GPC6: variants seen among roughly 807,000 people sequenced by gnomAD.
GPC6 encodes glypican 6, also known as glypican-6.
A neutral mutation model predicts 55.2 loss-of-function variants in GPC6; 14 were observed. The observed-to-expected ratio is 0.25, with a 90% confidence interval of 0.17 to 0.40. The LOEUF (loss-of-function observed/expected upper bound fraction) is 0.40. GPC6 is among the 10% of genes least tolerant of loss of function. The probability of loss-of-function intolerance (pLI) is 1.00; values close to 1 mark genes in which losing one functional copy is unlikely to be tolerated. For missense variants in GPC6, 641 were observed against 708.5 expected, an observed-to-expected ratio of 0.90 and a Z score of 1.08; for synonymous variants, 278 against 259.6, an observed-to-expected ratio of 1.07 and a Z score of -0.68.
chr13:93,323,119 T>TG (rs1393754054), intron 1 of GPC6, among the ~76,000 whole-genome samples: 1 of 152,218 alleles, frequency 6.6e-6, no homozygotes, highest in Non-Finnish European at 1.5e-5. Flanking sequence ...CTATCTGTTT[T>TG]GGGGACCATT....
intron 2 of GPC6, among the ~76,000 whole-genome samples, chr13:93,813,292 A>G (rs1886753901): frequency 6.6e-6 from 1 of 152,098 alleles, no homozygotes; most frequent in African/African-American, 2.4e-5. Context: ...TGGCAGGTGG[A>G]TGTAATCCCA....
intron 4 of GPC6, among the ~76,000 whole-genome samples, chr13:94,160,787 C>T (rs1214460128): frequency 6.6e-6 from 1 of 152,084 alleles, no homozygotes; most frequent in Non-Finnish European, 1.5e-5. Flanking sequence ...AAATAACTAA[C>T]CTAGAAGCAA....
At chr13:93,933,264 C>T (rs2140356505) in intron 3 of GPC6, among the ~76,000 whole-genome samples, 1 of 152,228 alleles carries the variant, frequency 6.6e-6, no homozygotes, top group South Asian at 2.1e-4. Flanking sequence ...TACACCTTTG[C>T]ATGGAGGTCC....
chr13:93,993,231 C>T (rs530219458), intron 3 of GPC6, among the ~76,000 whole-genome samples: 1 of 151,594 alleles, frequency 6.6e-6, no homozygotes, highest in Admixed American at 6.6e-5. Flanking sequence ...GCATCCTATT[C>T]TTTTGTCGTA....
chr13:93,424,349 T>C (rs2762076), intron 1 of GPC6, among the ~76,000 whole-genome samples: 140,866 of 152,060 alleles, frequency 0.93, 66,234 homozygotes, highest in East Asian at 1. Flanking sequence ...TAGGGCATAA[T>C]CTTAGGCAAA....
intron 3 of GPC6, among the ~76,000 whole-genome samples, chr13:93,844,202 G>A (rs905083929): frequency 6.6e-6 from 1 of 151,968 alleles, no homozygotes; most frequent in Non-Finnish European, 1.5e-5. Flanking sequence ...GCAATGCCAC[G>A]ATCTCAGCTC....
In GPC6 at chr13:93,545,549, C is replaced by T. The variant is rs938955390; in HGVS notation, c.319+128C>T. The T allele has an allele frequency of 3.6e-5, 28 of 783,776 alleles. No individual in the cohort carries two copies. The African/African-American group carries it at 3.7e-4, about 10-fold the overall frequency. 48.6% of individuals were successfully genotyped at this position (783,776 alleles called of 1,614,324 possible). Reference sequence around the variant, plus strand: ...CCCTCTTAAATATTTATAGCATTGTCTATTTTTAGAAAAAGCATGAGTTTT... The same window carrying T: ...CCCTCTTAAATATTTATAGCATTGTTTATTTTTAGAAAAAGCATGAGTTTT... On this transcript the variant is annotated intron_variant, in intron 2 of 8. Transcript: ENST00000377047.
intron 1 of GPC6, among the ~76,000 whole-genome samples, chr13:93,488,554 C>T (rs569717050): frequency 6.6e-6 from 1 of 152,258 alleles, no homozygotes; most frequent in East Asian, 1.9e-4. Context: ...CACTGTCTTC[C>T]ACAATGGTTG....
At chr13:93,488,034 T>G (rs1045525728) in intron 1 of GPC6, among the ~76,000 whole-genome samples, 23 of 152,222 alleles carry the variant, frequency 1.5e-4, no homozygotes, top group Admixed American at 5.9e-4. Flanking sequence ...GTTTGTTACA[T>G]ATGTATACAT....
chr13:93,626,049 A>C (rs991574406), intron 2 of GPC6, among the ~76,000 whole-genome samples: 4 of 152,142 alleles, frequency 2.6e-5, no homozygotes, highest in Non-Finnish European at 5.9e-5. Context: ...AGGAAATTTG[A>C]GCGTAATAAG....
chr13:93,457,474 C>T (rs2139310215), intron 1 of GPC6, among the ~76,000 whole-genome samples: 1 of 152,246 alleles, frequency 6.6e-6, no homozygotes, highest in South Asian at 2.1e-4. Flanking sequence ...CTCCAAAATT[C>T]CAGTGTCTTA....
intron 4 of GPC6, among the ~76,000 whole-genome samples, chr13:94,233,216 T>C (rs1890784715): frequency 1.3e-5 from 2 of 152,014 alleles, no homozygotes; most frequent in Non-Finnish European, 2.9e-5. Flanking sequence ...AAGGAAATTT[T>C]TTTGGATGGA....
rs577089845 is a variant in GPC6 at position 94,157,357 on chromosome 13, T to C, written c.878-128992T>C. Among the ~76,000 whole-genome samples, 11 of 152,238 alleles carry C rather than the reference T, an allele frequency of 7.2e-5. 1 individual carries two copies. In the South Asian group the frequency reaches 1.9e-3, roughly 26 times the overall value. On this transcript the variant is annotated intron_variant, in intron 4 of 8. Coordinates refer to ENST00000377047, the MANE Select transcript of GPC6 (RefSeq NM_005708.5). ...AAAAATGGGCATTGCTTTTGGAACCTGGAGAATAAAGAGAAAGAACACCTC... is the reference window on the plus strand; with the variant it reads ...AAAAATGGGCATTGCTTTTGGAACCCGGAGAATAAAGAGAAAGAACACCTC...
At position 93,545,412 on chromosome 13, in the gene GPC6, A is replaced by G; in HGVS notation, c.310A>G (p.Lys104Glu). ...VRTTFVSRHK[K>E]FDEFFRELLE... ...CACCACTTTTGTGTCCAGGCATAAG[A>G]AATTTGACGGTAGGTGAAATGGTTT... The change falls in exon 2 of 9, where the codon AAA becomes GAA. Residue 104 changes from lysine (K) to glutamate (E), a missense_variant. Physicochemically the swap from Lys to Glu is moderately conservative, Grantham distance 56. Coordinates refer to ENST00000377047, the MANE Select transcript of GPC6 (RefSeq NM_005708.5). 1 of 1,613,530 alleles carries G rather than the reference A, an allele frequency of 6.2e-7. No homozygotes were observed. Among genetic ancestry groups the G allele is most frequent in the South Asian group, 1.1e-5 (1 of 91,070 alleles).
At chr13:93,388,994 C>A (rs1875512681) in intron 1 of GPC6, among the ~76,000 whole-genome samples, 1 of 152,110 alleles carries the variant, frequency 6.6e-6, no homozygotes, top group Non-Finnish European at 1.5e-5. Flanking sequence ...TTATAGGACA[C>A]CACTGAGCCC....
intron 6 of GPC6, among the ~76,000 whole-genome samples, chr13:94,358,348 A>T (rs2139177228): frequency 6.6e-6 from 1 of 152,234 alleles, no homozygotes; most frequent in South Asian, 2.1e-4. Context: ...TTATGGCAGC[A>T]GTACTACATA....
At chr13:94,388,342 T>TTCACGTCGCG (rs991550312) in intron 7 of GPC6, among the ~76,000 whole-genome samples, 1 of 151,956 alleles carries the variant, frequency 6.6e-6, no homozygotes, top group African/African-American at 2.4e-5. Flanking sequence ...GAGCTAGGAG[T>TTCACGTCGCG]TCACGTCGTT....
At chr13:94,290,142 G>T (rs1594136760) in intron 5 of GPC6, among the ~76,000 whole-genome samples, 1 of 152,170 alleles carries the variant, frequency 6.6e-6, no homozygotes, top group Middle Eastern at 3.4e-3. Context: ...AAAAGAAGAG[G>T]CAAGGTGTGG....
chr13:94,341,980 A>G lies in GPC6; in HGVS notation c.1152+35857A>G, dbSNP rs147170758. On this transcript the variant is annotated intron_variant, in intron 6 of 8. Transcript: ENST00000377047. ...ATTCGGGGAGAGTTAAAGGTGTACC[A>G]TAAAACAGTGTTTCTCAAAGTAGGG... is the stretch of plus-strand genomic sequence containing the variant. Among the ~76,000 whole-genome samples the G allele has an allele frequency of 3.6e-3, 547 of 152,364 alleles. 3 individuals are homozygous for G. The highest frequency in any genetic ancestry group is 0.013 in the African/African-American group (520 of 41,588).
Sources: gnomAD v4.1 joint callset for allele counts (sites outside exome capture counted in the v4.1 genomes callset) on GRCh38, gnomAD v4.1.1 for gene constraint, MANE v1.5 for transcripts, NCBI Gene and HGNC (gene_info 2026-07-23, HGNC 2026-07-21) for gene names.